The following ARAP1 variants were observed in gnomAD, a reference collection of about 807,000 sequenced individuals.
ARAP1 encodes ArfGAP with RhoGAP domain, ankyrin repeat and PH domain 1, also known as arf-GAP with Rho-GAP domain, ANK repeat and PH domain-containing protein 1.
Under a neutral mutation model 172.2 loss-of-function variants are expected in ARAP1, and 76 were observed. That is an observed-to-expected ratio of 0.44 (90% CI 0.37 to 0.53). ARAP1 has a LOEUF of 0.53. Among genes scored for constraint, ARAP1 ranks in the 20% least tolerant of loss-of-function variants. The pLI is 0.00. For missense variants in ARAP1, 1,686 were observed against 1,977.5 expected, an observed-to-expected ratio of 0.85 and a Z score of 2.80; for synonymous variants, 804 against 803.3, an observed-to-expected ratio of 1.00 and a Z score of -0.01.
intron 33 of ARAP1, 77 bp downstream of exon 33, chr11:72,687,362 C>CCAAT: frequency 1.9e-6 from 3 of 1,572,582 alleles, no homozygotes; most frequent in Non-Finnish European, 2.6e-6. Flanking sequence ...TTGAATAGCA[C>CCAAT]AGAAGCCAAT....
In ARAP1 at chr11:72,692,849, A is replaced by G. The variant is rs186047156; in HGVS notation, c.3955-64T>C. 7,535 of 1,600,064 alleles carry G rather than the reference A, an allele frequency of 4.7e-3. 44 individuals are homozygous for G. Among genetic ancestry groups the G allele is most frequent in the Non-Finnish European group, 5.0e-3 (5,841 of 1,171,856 alleles). On this transcript the variant is annotated intron_variant, in intron 29 of 34. Coordinates refer to ENST00000393609, the MANE Select transcript of ARAP1 (RefSeq NM_001040118.3). ...GGTCTAGAGCCAGGACAGCATGTGC[A>G]GTGATGTGTGGGGTTGGGGTGTGTG...
In ARAP1 at chr11:72,697,416, C is replaced by T. The variant is rs771892626; in HGVS notation, c.2860G>A (p.Ala954Thr). Reference protein sequence around the residue: ...GWLGAIQKAAASMGDTLSEQQ... With the variant: ...GWLGAIQKAATSMGDTLSEQQ... ...TCCGACAGCGTGTCCCCCATGCTGGCGGCTGCTTTCTGGATGGCCCCCAGC... is the reference window on the plus strand; with the variant it reads ...TCCGACAGCGTGTCCCCCATGCTGGTGGCTGCTTTCTGGATGGCCCCCAGC... Residue 954 changes from alanine (A) to threonine (T), a missense_variant, in exon 21 of 35, where the codon GCC becomes ACC. By Grantham distance (58) the Ala-to-Thr change is moderately conservative (BLOSUM62 0). Coordinates refer to ENST00000393609, the MANE Select transcript of ARAP1 (RefSeq NM_001040118.3). 1 of 1,611,490 alleles carries T rather than the reference C, an allele frequency of 6.2e-7. No homozygotes were observed. The highest frequency in any genetic ancestry group is 1.1e-5 in the South Asian group (1 of 90,880).
intron 16 of ARAP1, chr11:72,700,511 T>C (rs1856433947): frequency 6.6e-6 from 1 of 152,260 alleles, no homozygotes; most frequent in South Asian, 2.1e-4. Flanking sequence ...GTGGGCTCCC[T>C]CCAGGAGCAC....
intron 1 of ARAP1, among the ~76,000 whole-genome samples, chr11:72,749,156 C>T (rs1451576599): frequency 2.6e-5 from 4 of 152,170 alleles, no homozygotes; most frequent in African/African-American, 7.2e-5. Flanking sequence ...TCAAGGCTGC[C>T]TCGGTCACCA....
At chr11:72,740,883 C>T (rs1430034397) in intron 1 of ARAP1, among the ~76,000 whole-genome samples, 1 of 152,194 alleles carries the variant, frequency 6.6e-6, no homozygotes, top group Non-Finnish European at 1.5e-5. Context: ...TCACCTACCA[C>T]ACCTTAAGCC....
chr11:72,731,276 T>C (rs767902664), intron 2 of ARAP1, among the ~76,000 whole-genome samples: 25 of 152,162 alleles, frequency 1.6e-4, no homozygotes, highest in Non-Finnish European at 3.2e-4. Flanking sequence ...AAATTTCATG[T>C]TGAAATGTGA....
chr11:72,694,806 C>G (rs1005604078), intron 27 of ARAP1, among the ~76,000 whole-genome samples, 174 bp downstream of exon 27: 10 of 152,184 alleles, frequency 6.6e-5, no homozygotes, highest in African/African-American at 2.2e-4. Context: ...GCCATAACCT[C>G]AATCCCTGCC....
intron 13 of ARAP1, chr11:72,705,562 C>T: frequency 2.1e-6 from 1 of 478,968 alleles, no homozygotes; most frequent in Non-Finnish European, 3.7e-6. Context: ...CATTTTCTTC[C>T]TTTTTTTTTC....
intron 30 of ARAP1, among the ~76,000 whole-genome samples, chr11:72,691,910 A>G (rs1476701831): frequency 6.6e-6 from 1 of 152,182 alleles, no homozygotes; most frequent in African/African-American, 2.4e-5. Context: ...AGATTCTCAT[A>G]AGAAGCGCAC....
At chr11:72,730,614 C>T (rs558138181) in intron 2 of ARAP1, among the ~76,000 whole-genome samples, 2 of 152,196 alleles carry the variant, frequency 1.3e-5, no homozygotes, top group Admixed American at 6.5e-5. Context: ...GCAGGAGAAT[C>T]GCTTGAACCC....
intron 1 of ARAP1, among the ~76,000 whole-genome samples, chr11:72,744,107 C>T (rs5008485): frequency 0.18 from 27,161 of 151,898 alleles, 3,819 homozygotes; most frequent in African/African-American, 0.39. Context: ...AAGCAGTCTC[C>T]GACTCCCACA....
At chr11:72,704,528 G>A (rs955922303) in intron 13 of ARAP1, 194 bp from the exon 14 acceptor site, 28 of 604,064 alleles carry the variant, frequency 4.6e-5, no homozygotes, top group South Asian at 6.3e-5. Flanking sequence ...ACTGGGCTCT[G>A]AGCCTAGGTC....
Position 72,726,984 on chromosome 11 carries a change from T to G in ARAP1, c.145A>C (p.Met49Leu). The change falls in exon 3 of 35, where the codon ATG becomes CTG. Residue 49 changes from methionine (M) to leucine (L), a missense_variant. By Grantham distance (15) the Met-to-Leu change is conservative. Around this residue, in one of 5 missense-constraint regions of ARAP1, gnomAD observed 190 missense variants for 228.6 expected, o/e 0.83. Coordinates refer to ENST00000393609, the MANE Select transcript of ARAP1 (RefSeq NM_001040118.3). The surrounding 1 kb of genome is among the most constrained non-coding windows in gnomAD (Gnocchi z 6.5). ...QGLSDTRLMD[M>L]GMLLPGHRRR... ...CGGTGACCAGGGAGTAGCATGCCCA[T>G]GTCCATCAGGCGGGTGTCGCTGAGG... 1.2e-6 allele frequency: 2 copies of G among 1,605,308 alleles called. No homozygotes were observed. The highest frequency in any genetic ancestry group is 1.7e-6 in the Non-Finnish European group (2 of 1,176,328).
At chr11:72,696,299 G>A (rs1405536227) in intron 23 of ARAP1, among the ~76,000 whole-genome samples, 1 of 152,228 alleles carries the variant, frequency 6.6e-6, no homozygotes, top group African/African-American at 2.4e-5. Context: ...AGCTCAGGCA[G>A]TAACACTTGT....
At chr11:72,694,314 C>T (rs80116777) in intron 27 of ARAP1, among the ~76,000 whole-genome samples, 4,737 of 151,926 alleles carry the variant, frequency 0.031, 234 homozygotes, top group African/African-American at 0.11. Flanking sequence ...TTCACTAGCC[C>T]TCCGATGGTC....
intron 5 of ARAP1, 48 bp from the exon 6 acceptor site, chr11:72,712,616 T>TCACACCCACCCGGGGCTGC: frequency 6.2e-7 from 1 of 1,605,784 alleles, no homozygotes; most frequent in Non-Finnish European, 8.5e-7. Flanking sequence ...AAGCCACAGA[T>TCACACCCACCCGGGGCTGC]CACACCCACC....
chr11:72,687,889 G>T, intron 31 of ARAP1, 151 bp from the exon 32 acceptor site: 2 of 899,934 alleles, frequency 2.2e-6, no homozygotes, highest in Non-Finnish European at 3.6e-6. Context: ...GCCTCTTCCT[G>T]TCTCAGCCCC....
chr11:72,738,643 C>G (rs1858108233), intron 1 of ARAP1, among the ~76,000 whole-genome samples: 1 of 152,088 alleles, frequency 6.6e-6, no homozygotes, highest in Non-Finnish European at 1.5e-5. Flanking sequence ...GGCAGCGACC[C>G]CAGCATCCAG....
rs558416478 is a variant in ARAP1 at position 72,722,649 on chromosome 11, G to A, written c.509+3971C>T. 7.9e-5 allele frequency among the ~76,000 whole-genome samples: 12 copies of A among 152,318 alleles called. No individual in the cohort carries two copies. The South Asian group carries it at 8.3e-4, about 11-fold the overall frequency. The stretch of plus-strand genomic sequence containing the variant: ...TTGGCTGGACTGCAGGGCAGTCAAG[G>A]GCACAGGAGGGAAGCCTTGGCAGTG... On this transcript the variant is annotated intron_variant, in intron 3 of 34. Transcript: ENST00000393609.
Sources: allele counts gnomAD v4.1 joint callset (sites outside exome capture counted in the v4.1 genomes callset), GRCh38; gene constraint gnomAD v4.1.1; regional missense constraint gnomAD v4.1.1; non-coding constraint Gnocchi (gnomAD v3.1); transcripts MANE v1.5; gene names NCBI Gene and HGNC (gene_info 2026-07-23, HGNC 2026-07-21).